FRMPD4: variants seen among roughly 807,000 people sequenced by gnomAD.
The protein encoded by FRMPD4 is FERM and PDZ domain containing 4.
A neutral mutation model predicts 94.1 loss-of-function variants in FRMPD4; 22 were observed. The ratio of observed to expected loss-of-function variants is 0.23; its 90% confidence interval spans 0.17 to 0.33. The LOEUF (loss-of-function observed/expected upper bound fraction) is 0.33. FRMPD4 is among the 10% of genes least tolerant of loss of function. The probability of loss-of-function intolerance (pLI) is 1.00; values close to 1 mark genes in which losing one functional copy is unlikely to be tolerated. For missense variants in FRMPD4, 1,111 were observed against 1,339.9 expected (o/e 0.83, Z 2.67); for synonymous variants, 631 against 548.6 (o/e 1.15, Z -2.10).
At chrX:12,399,386 G>A (rs1205352874) in intron 1 of FRMPD4, among the ~76,000 whole-genome samples, 1 of 111,488 alleles carries the variant, frequency 9.0e-6, no homozygotes, top group Non-Finnish European at 1.9e-5. Context: ...TAGAGATGTA[G>A]ATATAGTTGT....
intron 2 of FRMPD4, among the ~76,000 whole-genome samples, chrX:11,875,870 T>C (rs1192894512): frequency 9.9e-5 from 1 of 10,070 alleles, no homozygotes; most frequent in African/African-American, 1.3e-4. Flanking sequence ...CACTTGAGGA[T>C]TTTTTTTTTT....
At chrX:12,136,890 AACACAC>A (rs376427153), upstream of FRMPD4, among the ~76,000 whole-genome samples, 186 of 97,567 alleles carry the variant, frequency 1.9e-3, no homozygotes, top group East Asian at 4.5e-3. Context: ...TCTACGTTAA[AACACAC>A]ACACACACAC....
intron 1 of FRMPD4, among the ~76,000 whole-genome samples, chrX:12,393,573 T>C (rs1176686646): frequency 1.8e-5 from 2 of 112,205 alleles, no homozygotes; most frequent in Admixed American, 1.9e-4. Flanking sequence ...CTAAATGGGT[T>C]ATTTGTACAG....
At position 12,062,546 on chromosome X, in the gene FRMPD4, G is replaced by A. The variant is rs193268729; in HGVS notation, c.95+184528G>A. Among the ~76,000 whole-genome samples, 373 of 111,175 alleles carry A rather than the reference G, an allele frequency of 3.4e-3. 1 individual carries two copies. Among genetic ancestry groups the A allele is most frequent in the African/African-American group, 0.012 (359 of 30,609 alleles). ...ACTCTGTCACCCAGGCTGGAGTACA[G>A]TGGCGCAATCTCGGCTCACTGCAAC... is the stretch of plus-strand genomic sequence containing the variant. On this transcript the variant is annotated intron_variant, in intron 3 of 18. Transcript: ENST00000640291.
intron 1 of FRMPD4, among the ~76,000 whole-genome samples, chrX:11,840,965 A>T (rs908714551): frequency 2.1e-5 from 2 of 97,111 alleles, no homozygotes; most frequent in Admixed American, 2.4e-4. Flanking sequence ...TCATTGTTCA[A>T]TTCCCACCTG....
chrX:12,435,688 T>C (rs2148113941), intron 1 of FRMPD4, among the ~76,000 whole-genome samples: 1 of 112,090 alleles, frequency 8.9e-6, no homozygotes, highest in East Asian at 2.8e-4. Flanking sequence ...GATTTTGTTT[T>C]TGTGGTTATG....
intron 1 of FRMPD4, among the ~76,000 whole-genome samples, chrX:12,455,019 A>G: frequency 9.0e-6 from 1 of 110,920 alleles, no homozygotes; most frequent in East Asian, 2.8e-4. Flanking sequence ...ATTACCATAT[A>G]GCCATTATAA....
chrX:12,574,856 G>A (rs73444848), intron 2 of FRMPD4, among the ~76,000 whole-genome samples: 1,197 of 112,050 alleles, frequency 0.011, 17 homozygotes, highest in African/African-American at 0.035. Flanking sequence ...TTTCAGGGCT[G>A]GGATTTATAA....
intron 1 of FRMPD4, among the ~76,000 whole-genome samples, chrX:12,431,374 A>G (rs1446106114): frequency 8.9e-6 from 1 of 112,352 alleles, no homozygotes; most frequent in East Asian, 2.8e-4. Flanking sequence ...GAATAACAGT[A>G]TGAATGTAAT....
At chrX:11,950,229 C>T (rs5935199) in intron 3 of FRMPD4, among the ~76,000 whole-genome samples, 38,706 of 111,137 alleles carry the variant, frequency 0.35, 5,382 homozygotes, top group East Asian at 0.82. Flanking sequence ...GCCTGCTTCT[C>T]CTTTGCCTTC....
intron 3 of FRMPD4, among the ~76,000 whole-genome samples, chrX:12,083,694 G>A (rs535954177): frequency 6.2e-5 from 7 of 112,627 alleles, no homozygotes; most frequent in East Asian, 2.8e-4. Context: ...CCACAGGGGC[G>A]GCTGCCCAAG....
intron 1 of FRMPD4, among the ~76,000 whole-genome samples, chrX:12,388,466 A>G (rs1262884793): frequency 1.8e-5 from 2 of 109,115 alleles, no homozygotes; most frequent in Non-Finnish European, 3.8e-5. Context: ...TTAGCTGGGC[A>G]TGGTGGCGTG....
chrX:12,705,531 A>ATTT (rs60352293), intron 11 of FRMPD4, among the ~76,000 whole-genome samples: 5 of 106,052 alleles, frequency 4.7e-5, no homozygotes, highest in African/African-American at 1.4e-4. Flanking sequence ...CCCCACGACA[A>ATTT]TTTTTTTTTT....
intron 3 of FRMPD4, among the ~76,000 whole-genome samples, chrX:12,105,836 C>T (rs1601941308): frequency 8.9e-6 from 1 of 111,972 alleles, no homozygotes; most frequent in African/African-American, 3.2e-5. Context: ...TTCATGATAC[C>T]CAGTAAGTCT....
chrX:12,103,579 A>G lies in FRMPD4; in HGVS notation c.95+225561A>G, dbSNP rs1274381954. On this transcript the variant is annotated intron_variant, in intron 3 of 18. Transcript: ENST00000640291. The stretch of plus-strand genomic sequence containing the variant: ...TATGTAAACAAAGGGGTGTGGCTGT[A>G]TTCCAATAAAACTTTATTTACAAAA... 4.5e-5 allele frequency among the ~76,000 whole-genome samples: 5 copies of G among 112,068 alleles called. No homozygotes were observed. The East Asian group carries it at 1.4e-3, about 31-fold the overall frequency.
At chrX:12,194,319 T>A (rs1468917854) in intron 1 of FRMPD4, among the ~76,000 whole-genome samples, 1 of 110,567 alleles carries the variant, frequency 9.0e-6, no homozygotes, top group Non-Finnish European at 1.9e-5. Context: ...GCACCTGAAG[T>A]GTGGATTCCT....
At chrX:12,509,961 T>C (rs187434791) in intron 2 of FRMPD4, among the ~76,000 whole-genome samples, 2 of 111,616 alleles carry the variant, frequency 1.8e-5, no homozygotes, top group African/African-American at 6.5e-5. Context: ...GTAAAAAAAC[T>C]TGGGGTAAAA....
chrX:11,834,739 G>A (rs2053492594), intron 1 of FRMPD4, among the ~76,000 whole-genome samples: 1 of 111,419 alleles, frequency 9.0e-6, no homozygotes, highest in East Asian at 2.8e-4. Flanking sequence ...TGGAAGGATA[G>A]GTATTTTAGT....
At chrX:12,703,714 T>C (rs781735240) in intron 10 of FRMPD4, among the ~76,000 whole-genome samples, 13 of 112,048 alleles carry the variant, frequency 1.2e-4, no homozygotes, top group Non-Finnish European at 2.1e-4. Flanking sequence ...TTTGTTGTTG[T>C]TTTGTTGTAC....
Sources: allele counts gnomAD v4.1 joint callset (sites outside exome capture counted in the v4.1 genomes callset), GRCh38; gene constraint gnomAD v4.1.1; transcripts MANE v1.5; gene names NCBI Gene and HGNC (gene_info 2026-07-23, HGNC 2026-07-21).